ITFG1: variants seen among roughly 807,000 people sequenced by gnomAD.
The protein encoded by ITFG1 is T-cell immunomodulatory protein.
In ITFG1, 34 loss-of-function variants were observed where a neutral mutation model predicts 81.8. That is an observed-to-expected ratio of 0.42 (90% CI 0.32 to 0.55). The LOEUF is 0.55. Among genes scored for constraint, ITFG1 ranks in the 20% least tolerant of loss-of-function variants. The pLI is 0.17. For missense variants in ITFG1, 672 were observed against 755.4 expected (o/e 0.89, Z 1.29); for synonymous variants, 285 against 270.6 (o/e 1.05, Z -0.52).
At chr16:47,280,751 C>T (rs753787996) in intron 10 of ITFG1, among the ~76,000 whole-genome samples, 19 of 152,202 alleles carry the variant, frequency 1.2e-4, no homozygotes, top group South Asian at 2.1e-4. Flanking sequence ...AGTCTCACCC[C>T]CTAATCGTCC....
At chr16:47,394,274 T>C (rs946380335) in intron 6 of ITFG1, among the ~76,000 whole-genome samples, 2 of 152,192 alleles carry the variant, frequency 1.3e-5, no homozygotes, top group African/African-American at 4.8e-5. Flanking sequence ...TGTGTACATG[T>C]AGCATACTGA....
chr16:47,206,532 C>T (rs1965502111), intron 14 of ITFG1, among the ~76,000 whole-genome samples: 1 of 152,194 alleles, frequency 6.6e-6, no homozygotes, highest in Non-Finnish European at 1.5e-5. Context: ...CATCCCATTA[C>T]TCTCACCTAC....
At chr16:47,319,137 A>T (rs1254564383) in intron 8 of ITFG1, among the ~76,000 whole-genome samples, 1 of 152,226 alleles carries the variant, frequency 6.6e-6, no homozygotes, top group African/African-American at 2.4e-5. Flanking sequence ...TTTGAAAAAT[A>T]TTGGTTATGT....
chr16:47,449,593 A>G (rs994501204), intron 5 of ITFG1: 1 of 152,358 alleles, frequency 6.6e-6, no homozygotes, highest in Middle Eastern at 3.4e-3. Context: ...TCACTTAGAT[A>G]TGGTTAGCTA....
chr16:47,408,623 C>CA (rs530402549), intron 6 of ITFG1, among the ~76,000 whole-genome samples: 55 of 150,330 alleles, frequency 3.7e-4, no homozygotes, highest in East Asian at 1.4e-3. Flanking sequence ...AACTATTTTC[C>CA]AAAAAAAAAG....
intron 8 of ITFG1, among the ~76,000 whole-genome samples, chr16:47,350,723 C>T (rs1489372982): frequency 6.6e-6 from 1 of 152,138 alleles, no homozygotes; most frequent in Non-Finnish European, 1.5e-5. Flanking sequence ...ATGAGGCCAG[C>T]ATCATCCTGA....
rs181626344 is a variant in ITFG1, at chr16:47,199,410, C to A, written c.1453+19458G>T. ...TCAAGACTCACCCCAGAGTTAACTT[C>A]TAGTTGTACAAGCTACATTCATGGT... On this transcript the variant is annotated intron_variant, in intron 14 of 17. Coordinates refer to ENST00000320640, the MANE Select transcript of ITFG1 (RefSeq NM_030790.5). Among the ~76,000 whole-genome samples the A allele has an allele frequency of 2.4e-3, 359 of 152,342 alleles. 4 individuals carry two copies. The highest frequency in any genetic ancestry group is 7.1e-3 in the Admixed American group (109 of 15,300).
intron 13 of ITFG1, among the ~76,000 whole-genome samples, chr16:47,230,621 C>T (rs896578493): frequency 3.3e-5 from 5 of 152,138 alleles, no homozygotes; most frequent in Non-Finnish European, 2.9e-5. Context: ...CCATAAGGTT[C>T]CTGGAGAGGA....
intron 5 of ITFG1, among the ~76,000 whole-genome samples, chr16:47,447,035 C>A (rs371843188): frequency 6.6e-6 from 1 of 151,790 alleles, no homozygotes; most frequent in South Asian, 2.1e-4. Flanking sequence ...TTAATTTTTT[C>A]TTTTTCTTTG....
intron 8 of ITFG1, among the ~76,000 whole-genome samples, chr16:47,364,507 A>G (rs765412634): frequency 2.6e-5 from 4 of 152,184 alleles, no homozygotes; most frequent in Non-Finnish European, 5.9e-5. Context: ...TAGTACATAT[A>G]CACTTTTTTC....
chr16:47,156,709 A>G (rs1964715649), intron 17 of ITFG1, among the ~76,000 whole-genome samples: 1 of 151,994 alleles, frequency 6.6e-6, no homozygotes, highest in South Asian at 2.1e-4. Context: ...AAGTATGGAA[A>G]TGGGGAGAGT....
At chr16:47,444,685 T>C (rs948616902) in intron 5 of ITFG1, among the ~76,000 whole-genome samples, 2 of 152,154 alleles carry the variant, frequency 1.3e-5, no homozygotes, top group Non-Finnish European at 2.9e-5. Context: ...TGCTACATTA[T>C]AGAAAAAGAT....
At chr16:47,176,500 A>C (rs1965025733) in intron 14 of ITFG1, among the ~76,000 whole-genome samples, 1 of 152,216 alleles carries the variant, frequency 6.6e-6, no homozygotes, top group African/African-American at 2.4e-5. Context: ...TATTAAACAT[A>C]TGTCATTACA....
chr16:47,362,645 A>G (rs905383896), intron 8 of ITFG1, among the ~76,000 whole-genome samples: 2 of 152,184 alleles, frequency 1.3e-5, no homozygotes, highest in Admixed American at 6.5e-5. Flanking sequence ...ACATATTTTT[A>G]GCCAAAGTCC....
intron 8 of ITFG1, among the ~76,000 whole-genome samples, chr16:47,314,402 A>G (rs2151565818): frequency 6.6e-6 from 1 of 152,324 alleles, no homozygotes; most frequent in South Asian, 2.1e-4. Context: ...AAGAGACTTT[A>G]TTCTGGATGA....
At chr16:47,408,753 A>G (rs1968761750) in intron 6 of ITFG1, among the ~76,000 whole-genome samples, 1 of 152,156 alleles carries the variant, frequency 6.6e-6, no homozygotes, top group African/African-American at 2.4e-5. Context: ...ATTCTTTCTC[A>G]TTATTTGGGA....
chr16:47,303,828 C>A (rs1967115177), intron 10 of ITFG1, among the ~76,000 whole-genome samples: 1 of 152,124 alleles, frequency 6.6e-6, no homozygotes. Flanking sequence ...TGGGGTCCCA[C>A]TATGTTGCCC....
At position 47,351,053 on chromosome 16, in the gene ITFG1, A is replaced by C. The variant is rs139637231; in HGVS notation, c.802+14735T>G. Among the ~76,000 whole-genome samples the C allele has an allele frequency of 7.6e-3, 1,151 of 152,348 alleles. 19 individuals carry two copies. Among genetic ancestry groups the C allele is most frequent in the African/African-American group, 0.026 (1,091 of 41,574 alleles). On this transcript the variant is annotated intron_variant, in intron 8 of 17. Coordinates refer to ENST00000320640, the MANE Select transcript of ITFG1 (RefSeq NM_030790.5). ...TCTCAATAAACTAGGTATTGATGGG[A>C]TGTATCTCAAAATAATAAGAGCTAT...
chr16:47,191,395 T>G (rs1430970604), intron 14 of ITFG1, among the ~76,000 whole-genome samples: 3 of 152,072 alleles, frequency 2.0e-5, no homozygotes, highest in African/African-American at 7.2e-5. Flanking sequence ...ATCATGAGTT[T>G]TTTTTTTTTT....
Sources: allele counts gnomAD v4.1 joint callset (sites outside exome capture counted in the v4.1 genomes callset), GRCh38; gene constraint gnomAD v4.1.1; transcripts MANE v1.5; gene names NCBI Gene and HGNC (gene_info 2026-07-23, HGNC 2026-07-21).